Variants in PLCXD3 observed in about 807,000 individuals in gnomAD.
PLCXD3 encodes PI-PLC X domain-containing protein 3.
PLCXD3 carries 19 observed loss-of-function variants against 25.5 expected under a neutral mutation model. That is an observed-to-expected ratio of 0.75 (90% CI 0.52 to 1.09). The LOEUF is 1.09. Ranked by LOEUF, PLCXD3 falls within the 50% of genes least tolerant of loss-of-function variation. The pLI is 0.00. For missense variants in PLCXD3, 411 were observed against 388.1 expected (o/e 1.06, Z -0.50); for synonymous variants, 174 against 137.6 (o/e 1.26, Z -1.85).
At chr5:41,417,170 C>G (rs1008736729) in intron 1 of PLCXD3, among the ~76,000 whole-genome samples, 6 of 152,208 alleles carry the variant, frequency 3.9e-5, no homozygotes, top group African/African-American at 1.4e-4. Flanking sequence ...GGGCTCCCTA[C>G]ATGACACTTA....
chr5:41,388,099 T>C (rs1316431670), intron 1 of PLCXD3, among the ~76,000 whole-genome samples: 1 of 151,960 alleles, frequency 6.6e-6, no homozygotes, highest in African/African-American at 2.4e-5. Context: ...TTTGCCTTAG[T>C]TTCTTGCTGT....
intron 2 of PLCXD3, among the ~76,000 whole-genome samples, chr5:41,365,848 G>T (rs79512608): frequency 0.11 from 16,650 of 151,696 alleles, 1,151 homozygotes; most frequent in Admixed American, 0.17. Flanking sequence ...TATCTCAAGC[G>T]GAACCCTTTT....
intron 2 of PLCXD3, among the ~76,000 whole-genome samples, chr5:41,319,480 T>C (rs1422202254): frequency 2.6e-5 from 4 of 152,108 alleles, no homozygotes; most frequent in South Asian, 2.1e-4. Context: ...TACAACTACA[T>C]GGAAATTAAA....
At chr5:41,446,176 C>CAAAAAAAAAAA (rs70988847) in intron 1 of PLCXD3, among the ~76,000 whole-genome samples, 4,788 of 38,004 alleles carry the variant, frequency 0.13, 1,317 homozygotes, top group Non-Finnish European at 0.17. Flanking sequence ...GACTCCTTCT[C>CAAAAAAAAAAA]AAAAAAAAAA....
At chr5:41,485,931 G>T (rs1443412842) in intron 1 of PLCXD3, among the ~76,000 whole-genome samples, 2 of 152,014 alleles carry the variant, frequency 1.3e-5, no homozygotes, top group East Asian at 3.9e-4. Flanking sequence ...ATCAGAATAG[G>T]TCCAATTAAT....
At chr5:41,457,773 C>T (rs903823761) in intron 1 of PLCXD3, among the ~76,000 whole-genome samples, 4 of 151,810 alleles carry the variant, frequency 2.6e-5, no homozygotes, top group Non-Finnish European at 5.9e-5. Context: ...ACAGGTCACC[C>T]GTTAGAACAG....
At position 41,375,223 on chromosome 5, in the gene PLCXD3, T is replaced by C. The variant is rs1034796749; in HGVS notation, c.812+6603A>G. Among the ~76,000 whole-genome samples, 8 of 152,066 alleles carry C rather than the reference T, an allele frequency of 5.3e-5. No homozygotes were observed. The South Asian group carries it at 1.4e-3, about 28-fold the overall frequency. On this transcript the variant is annotated intron_variant, in intron 2 of 2. Coordinates refer to ENST00000377801, the MANE Select transcript of PLCXD3 (RefSeq NM_001005473.3). Reference sequence around the variant, plus strand: ...GAAAGTAGGCCCAGCACAAAATCTGTGGCCTAGACCTTTGGCTTTACCCGC... The same window carrying C: ...GAAAGTAGGCCCAGCACAAAATCTGCGGCCTAGACCTTTGGCTTTACCCGC...
chr5:41,384,679 GTAAAAAAATTGTAAAA>G (rs1745581603), intron 1 of PLCXD3, among the ~76,000 whole-genome samples: 1 of 151,836 alleles, frequency 6.6e-6, no homozygotes, highest in Admixed American at 6.6e-5. Context: ...TATGTGGCAA[GTAAAAAAATTGTAAAA>G]ATAAAATTTT....
In PLCXD3 at chr5:41,312,965, A is replaced by G. The variant is rs755222987; in HGVS notation, c.*652T>C. On this transcript the variant is annotated 3_prime_UTR_variant, in exon 3 of 3. Transcript: ENST00000377801. ...CCAAAAACATTTTTCTCCTATATTT[A>G]TAGCTGCCTTAAATAGAAATACTGT... 2.0e-5 allele frequency: 3 copies of G among 152,524 alleles called. No homozygotes were observed. The highest frequency in any genetic ancestry group is 1.3e-4 in the Admixed American group (2 of 15,254). The allele number at this position is 152,524 out of a possible 1,614,324, so 9.4% of individuals were successfully genotyped here. A position where few individuals can be genotyped will look rare whatever the true frequency, so the allele number is the denominator to read the frequency against.
chr5:41,366,106 C>T (rs901175240), intron 2 of PLCXD3, among the ~76,000 whole-genome samples: 9 of 152,000 alleles, frequency 5.9e-5, no homozygotes, highest in Middle Eastern at 3.2e-3. Context: ...CCCAGCCCCA[C>T]GACAGGCCCT....
intron 1 of PLCXD3, among the ~76,000 whole-genome samples, chr5:41,414,914 C>T (rs574897830): frequency 2.1e-4 from 32 of 152,198 alleles, no homozygotes; most frequent in African/African-American, 5.5e-4. Context: ...TTATTTTATG[C>T]GATAATGGCC....
chr5:41,358,302 T>A (rs1407986376), intron 2 of PLCXD3, among the ~76,000 whole-genome samples: 4 of 152,196 alleles, frequency 2.6e-5, no homozygotes, highest in Non-Finnish European at 5.9e-5. Flanking sequence ...TACTTATTTT[T>A]TTTATTTCTT....
intron 2 of PLCXD3, among the ~76,000 whole-genome samples, chr5:41,331,224 A>C (rs1743794789): frequency 6.6e-6 from 1 of 152,138 alleles, no homozygotes; most frequent in Non-Finnish European, 1.5e-5. Context: ...AATCTCCTTA[A>C]GCTGATAAGC....
At chr5:41,435,599 T>C (rs1747229705) in intron 1 of PLCXD3, among the ~76,000 whole-genome samples, 1 of 152,192 alleles carries the variant, frequency 6.6e-6, no homozygotes, top group Non-Finnish European at 1.5e-5. Flanking sequence ...TCTCTGACTC[T>C]GAATTTCCTC....
chr5:41,387,092 G>A (rs1260989404), intron 1 of PLCXD3, among the ~76,000 whole-genome samples: 2 of 151,944 alleles, frequency 1.3e-5, no homozygotes, highest in Non-Finnish European at 2.9e-5. Flanking sequence ...CTGTTAATCT[G>A]TCCATTGACA....
intron 1 of PLCXD3, among the ~76,000 whole-genome samples, chr5:41,398,106 T>G (rs1057206613): frequency 2.6e-5 from 4 of 152,206 alleles, no homozygotes; most frequent in African/African-American, 9.7e-5. Flanking sequence ...GTCTGTGTTT[T>G]GAAATGTGAG....
rs757256864 is a variant in PLCXD3, at chr5:41,430,789, T to G, written c.104-48255A>C. ...AAAGCTTTTGGGGGAAATAAAACTTTTACATTATAAATATTATTCTTTAAA... is the reference window on the plus strand; with the variant it reads ...AAAGCTTTTGGGGGAAATAAAACTTGTACATTATAAATATTATTCTTTAAA... On this transcript the variant is annotated intron_variant, in intron 1 of 2. Coordinates refer to ENST00000377801, the MANE Select transcript of PLCXD3 (RefSeq NM_001005473.3). Among the ~76,000 whole-genome samples, 23 of 152,136 alleles carry G rather than the reference T, an allele frequency of 1.5e-4. 1 individual carries two copies.
chr5:41,343,514 C>T lies in PLCXD3; in HGVS notation c.813-29744G>A, dbSNP rs553237511. Among the ~76,000 whole-genome samples the T allele has an allele frequency of 1.6e-4, 25 of 152,194 alleles. No homozygotes were observed. The South Asian group carries it at 3.7e-3, about 23-fold the overall frequency. On this transcript the variant is annotated intron_variant, in intron 2 of 2. Coordinates refer to ENST00000377801, the MANE Select transcript of PLCXD3 (RefSeq NM_001005473.3). ...ACTTATTTTGGCTAAAATAAATGGTCTATTCAGTTCTGAAGTCAGTCAAAA... is the reference window on the plus strand; with the variant it reads ...ACTTATTTTGGCTAAAATAAATGGTTTATTCAGTTCTGAAGTCAGTCAAAA...
chr5:41,341,482 T>G (rs1447579876), intron 2 of PLCXD3, among the ~76,000 whole-genome samples: 1 of 152,194 alleles, frequency 6.6e-6, no homozygotes, highest in Non-Finnish European at 1.5e-5. Context: ...CATGCAAATT[T>G]CAAAGTGCCC....
Sources: gnomAD v4.1 joint callset for allele counts (sites outside exome capture counted in the v4.1 genomes callset) on GRCh38, gnomAD v4.1.1 for gene constraint, MANE v1.5 for transcripts, NCBI Gene and HGNC (gene_info 2026-07-23, HGNC 2026-07-21) for gene names.